The following ELP4 variants were observed in gnomAD, a reference collection of about 807,000 sequenced individuals.
ELP4 encodes elongator complex protein 4.
A neutral mutation model predicts 48.9 loss-of-function variants in ELP4; 51 were observed. The ratio of observed to expected loss-of-function variants is 1.04; its 90% CI spans 0.83 to 1.32. The LOEUF (loss-of-function observed/expected upper bound fraction) is 1.32, where lower values mean the gene tolerates loss of function less well. ELP4 is among the 40% of genes most tolerant of loss of function. The pLI is 0.00. For synonymous variants in ELP4, 210 were observed against 189.2 expected (o/e 1.11, Z -0.90); for missense variants, 519 against 514.6 (o/e 1.01, Z -0.08).
intron 5 of ELP4, among the ~76,000 whole-genome samples, chr11:31,619,832 C>T (rs1742097000): frequency 6.6e-6 from 1 of 151,876 alleles, no homozygotes; most frequent in South Asian, 2.1e-4. Context: ...TTTCACCTTC[C>T]AAAAGGCCCC....
chr11:31,631,854 A>T (rs896048227), intron 6 of ELP4, among the ~76,000 whole-genome samples: 4 of 152,132 alleles, frequency 2.6e-5, no homozygotes, highest in African/African-American at 9.7e-5. Flanking sequence ...GAATTTTCTA[A>T]TACTGAGAAG....
intron 9 of ELP4, chr11:31,707,120 T>C (rs1456048696): frequency 5.0e-6 from 2 of 397,132 alleles, no homozygotes; most frequent in Non-Finnish European, 8.9e-6. Flanking sequence ...CTGGATCATA[T>C]GGTAGTTTCA....
At chr11:31,629,438 A>C (rs1342807223) in intron 6 of ELP4, among the ~76,000 whole-genome samples, 1 of 151,986 alleles carries the variant, frequency 6.6e-6, no homozygotes, top group African/African-American at 2.4e-5. Flanking sequence ...ATATAAGTGA[A>C]GTATTATGTT....
intron 9 of ELP4, among the ~76,000 whole-genome samples, chr11:31,735,379 A>G (rs2134208705): frequency 6.6e-6 from 1 of 152,116 alleles, no homozygotes; most frequent in East Asian, 1.9e-4. Flanking sequence ...GTACTTTAAA[A>G]AATAAAAGCT....
intron 3 of ELP4, among the ~76,000 whole-genome samples, chr11:31,590,673 G>A (rs1275845932): frequency 6.6e-6 from 1 of 152,190 alleles, no homozygotes. Flanking sequence ...AGTGGCTTAT[G>A]CTTCTGAGGA....
intron 5 of ELP4, among the ~76,000 whole-genome samples, chr11:31,615,237 A>G (rs1401626413): frequency 6.6e-6 from 1 of 152,130 alleles, no homozygotes; most frequent in African/African-American, 2.4e-5. Flanking sequence ...ACATGCATAT[A>G]TTTCATTAAA....
intron 3 of ELP4, among the ~76,000 whole-genome samples, chr11:31,593,490 C>T (rs762335873): frequency 1.3e-5 from 2 of 152,078 alleles, no homozygotes; most frequent in Non-Finnish European, 2.9e-5. Context: ...GTGATCCCCC[C>T]CTACCTTGGC....
chr11:31,719,790 CT>C, intron 9 of ELP4: 1 of 253,136 alleles, frequency 4.0e-6, no homozygotes, highest in Non-Finnish European at 7.4e-6. Flanking sequence ...ATGTCTGCAA[CT>C]TTCTTTGAAA....
chr11:31,687,858 T>C (rs1160971512), intron 9 of ELP4, among the ~76,000 whole-genome samples: 1 of 152,198 alleles, frequency 6.6e-6, no homozygotes, highest in Non-Finnish European at 1.5e-5. Flanking sequence ...TGGCATAAGT[T>C]TAAAAGAATC....
At chr11:31,594,265 G>A (rs867773347) in intron 3 of ELP4, among the ~76,000 whole-genome samples, 36 of 152,132 alleles carry the variant, frequency 2.4e-4, no homozygotes, top group African/African-American at 8.7e-4. Context: ...GCTTGCAGGT[G>A]CAAAGCTAGC....
chr11:31,741,015 C>T (rs1009047429), intron 9 of ELP4, among the ~76,000 whole-genome samples: 2 of 152,130 alleles, frequency 1.3e-5, no homozygotes, highest in African/African-American at 4.8e-5. Context: ...ACAGACGGCA[C>T]CTGGAAAATC....
chr11:31,660,402 A>G (rs1230808984), intron 9 of ELP4, among the ~76,000 whole-genome samples: 1 of 152,194 alleles, frequency 6.6e-6, no homozygotes, highest in African/African-American at 2.4e-5. Flanking sequence ...GTGCTATAGC[A>G]TGAAGTGGAT....
intron 3 of ELP4, among the ~76,000 whole-genome samples, chr11:31,544,815 A>T (rs1956669215): frequency 6.6e-6 from 1 of 152,166 alleles, no homozygotes; most frequent in Non-Finnish European, 1.5e-5. Flanking sequence ...CTTCCAGAGG[A>T]ACGATCAGAC....
At chr11:31,769,417 G>A (rs954035769) in intron 9 of ELP4, among the ~76,000 whole-genome samples, 9 of 152,142 alleles carry the variant, frequency 5.9e-5, no homozygotes, top group Admixed American at 1.3e-4. Context: ...AGTGTTCATC[G>A]AAAGCTGCCA....
intron 9 of ELP4, among the ~76,000 whole-genome samples, chr11:31,774,176 A>G (rs1371800211): frequency 6.6e-6 from 1 of 152,222 alleles, no homozygotes; most frequent in East Asian, 1.9e-4. Flanking sequence ...CTGTCTCAAA[A>G]TAAATTTTTT....
chr11:31,577,426 C>G (rs950118199), intron 3 of ELP4, among the ~76,000 whole-genome samples: 1 of 152,108 alleles, frequency 6.6e-6, no homozygotes, highest in African/African-American at 2.4e-5. Flanking sequence ...TTCTCCCTAA[C>G]TCATTTTATG....
chr11:31,618,680 A>G (rs1944548558), intron 5 of ELP4, among the ~76,000 whole-genome samples: 1 of 152,110 alleles, frequency 6.6e-6, no homozygotes, highest in Non-Finnish European at 1.5e-5. Flanking sequence ...AAATAATAAT[A>G]TGAAATATAG....
intron 9 of ELP4, chr11:31,763,434 A>G (rs762235350): frequency 3.1e-6 from 5 of 1,608,726 alleles, no homozygotes; most frequent in Non-Finnish European, 3.4e-6. Context: ...ACTACTTGAG[A>G]CAAGAGAGGA....
intron 3 of ELP4, among the ~76,000 whole-genome samples, chr11:31,570,294 G>C (rs1957173562): frequency 6.6e-6 from 1 of 152,014 alleles, no homozygotes; most frequent in Non-Finnish European, 1.5e-5. Flanking sequence ...ATAAGTAGGA[G>C]CAAAACATCA....
Sources: allele counts gnomAD v4.1 joint callset (sites outside exome capture counted in the v4.1 genomes callset), GRCh38; gene constraint gnomAD v4.1.1; transcripts MANE v1.5; gene names NCBI Gene and HGNC (gene_info 2026-07-23, HGNC 2026-07-21).